RNGTT: variants seen among roughly 807,000 people sequenced by gnomAD.
RNGTT encodes RNA guanylyltransferase and 5'-phosphatase.
A neutral mutation model predicts 79.3 loss-of-function variants in RNGTT; 33 were observed. The ratio of observed to expected loss-of-function variants is 0.42; its 90% CI spans 0.32 to 0.56. The LOEUF (loss-of-function observed/expected upper bound fraction) is 0.56. Among genes scored for constraint, RNGTT ranks in the 20% least tolerant of loss-of-function variants. The pLI, the probability that RNGTT is intolerant of heterozygous loss-of-function variation, is 0.17. For missense variants in RNGTT, 497 were observed against 739.1 expected (o/e 0.67, Z 3.80); for synonymous variants, 222 against 235.9 (o/e 0.94, Z 0.54).
intron 12 of RNGTT, among the ~76,000 whole-genome samples, chr6:88,784,065 A>G (rs1203153847): frequency 2.6e-5 from 4 of 152,202 alleles, no homozygotes; most frequent in African/African-American, 4.8e-5. Context: ...GTGCTATAAT[A>G]GCTGAGAAAA....
chr6:88,879,506 G>C (rs565482121), intron 8 of RNGTT, among the ~76,000 whole-genome samples: 1 of 152,100 alleles, frequency 6.6e-6, no homozygotes, highest in East Asian at 1.9e-4. Context: ...CACAAGTCAC[G>C]AAGTGTATTT....
At chr6:88,961,642 CA>C (rs1168518445) in intron 1 of RNGTT, among the ~76,000 whole-genome samples, 4 of 152,096 alleles carry the variant, frequency 2.6e-5, no homozygotes, top group Non-Finnish European at 5.9e-5. Context: ...GTGAAGTGTC[CA>C]AATTTTTTGC....
chr6:88,918,612 CAA>C (rs1425328693), intron 4 of RNGTT, among the ~76,000 whole-genome samples: 3 of 151,948 alleles, frequency 2.0e-5, no homozygotes, highest in African/African-American at 7.3e-5. Flanking sequence ...AAATAAAAAA[CAA>C]AGAGATCAGC....
intron 3 of RNGTT, 21 bp downstream of exon 3, chr6:88,929,143 G>C: frequency 6.4e-7 from 1 of 1,559,332 alleles, no homozygotes; most frequent in Non-Finnish European, 8.8e-7. Flanking sequence ...CAATATTAAA[G>C]AATCTTAATA....
chr6:88,814,998 C>G (rs987832889), intron 11 of RNGTT, among the ~76,000 whole-genome samples: 1 of 152,116 alleles, frequency 6.6e-6, no homozygotes, highest in African/African-American at 2.4e-5. Flanking sequence ...GATCTCTAGG[C>G]CCAGGGGATA....
intron 12 of RNGTT, among the ~76,000 whole-genome samples, chr6:88,800,001 T>G (rs918897627): frequency 2.6e-5 from 4 of 152,204 alleles, no homozygotes; most frequent in Non-Finnish European, 4.4e-5. Flanking sequence ...TAACCTCTAG[T>G]GCTCCTCCAT....
At chr6:88,923,001 CAT>C (rs917174413) in intron 4 of RNGTT, among the ~76,000 whole-genome samples, 2 of 152,188 alleles carry the variant, frequency 1.3e-5, no homozygotes, top group Non-Finnish European at 2.9e-5. Context: ...TCTTATCTCC[CAT>C]ATGTCTTGTA....
At chr6:88,818,942 T>C (rs1294886947) in intron 11 of RNGTT, among the ~76,000 whole-genome samples, 2 of 152,228 alleles carry the variant, frequency 1.3e-5, no homozygotes, top group African/African-American at 4.8e-5. Flanking sequence ...CTGTTAAACA[T>C]ATTTGTTTGC....
At chr6:88,768,992 T>C (rs905669350) in intron 13 of RNGTT, among the ~76,000 whole-genome samples, 1 of 152,254 alleles carries the variant, frequency 6.6e-6, no homozygotes, top group South Asian at 2.1e-4. Flanking sequence ...AAACATGAAG[T>C]AATTTCCTTC....
At position 88,640,033 on chromosome 6, in the gene RNGTT, A is replaced by C. The variant is rs186089405; in HGVS notation, c.1507-25638T>G. On this transcript the variant is annotated intron_variant, in intron 14 of 15. Coordinates refer to ENST00000369485, the MANE Select transcript of RNGTT (RefSeq NM_003800.5). ...TGCTCTCCATCTGAAGAGTCCCCTTATTTTCCTTATCATTGTATTAGTCAA... is the reference window on the plus strand; with the variant it reads ...TGCTCTCCATCTGAAGAGTCCCCTTCTTTTCCTTATCATTGTATTAGTCAA... 1.7e-3 allele frequency among the ~76,000 whole-genome samples: 256 copies of C among 152,152 alleles called. 1 individual carries two copies. The highest frequency in any genetic ancestry group is 5.8e-3 in the African/African-American group (241 of 41,524).
chr6:88,666,188 G>A (rs1774401989), intron 14 of RNGTT, among the ~76,000 whole-genome samples: 1 of 152,162 alleles, frequency 6.6e-6, no homozygotes, highest in African/African-American at 2.4e-5. Flanking sequence ...TGAGTTAAAA[G>A]AAAAACTCAT....
chr6:88,654,156 T>G (rs192802032), intron 14 of RNGTT, among the ~76,000 whole-genome samples: 66 of 151,986 alleles, frequency 4.3e-4, no homozygotes, highest in Non-Finnish European at 6.2e-4. Context: ...TAATAGCTAT[T>G]GCATGGAAGT....
intron 4 of RNGTT, among the ~76,000 whole-genome samples, chr6:88,909,212 G>A (rs947902428): frequency 1.3e-5 from 2 of 152,194 alleles, no homozygotes; most frequent in East Asian, 3.9e-4. Flanking sequence ...AACTGGGCAC[G>A]CAGGGCTTTT....
chr6:88,697,776 T>G (rs996349820), intron 13 of RNGTT, among the ~76,000 whole-genome samples: 1 of 149,362 alleles, frequency 6.7e-6, no homozygotes, highest in African/African-American at 2.5e-5. Flanking sequence ...GAGGCTGAGG[T>G]GGAAGGATAA....
intron 1 of RNGTT, among the ~76,000 whole-genome samples, chr6:88,949,159 G>GAAAAAAAAAAAAAA: frequency 1.4e-3 from 69 of 50,512 alleles, no homozygotes; most frequent in Non-Finnish European, 2.0e-3. Context: ...AAAATAAAAT[G>GAAAAAAAAAAAAAA]AAAAAAAAAA....
intron 1 of RNGTT, among the ~76,000 whole-genome samples, chr6:88,957,640 TAAC>T (rs1172054392): frequency 1.3e-5 from 2 of 151,740 alleles, no homozygotes; most frequent in Non-Finnish European, 2.9e-5. Context: ...AAAAAAATAA[TAAC>T]AATAGAATAC....
At chr6:88,887,908 G>C (rs140241885) in intron 8 of RNGTT, among the ~76,000 whole-genome samples, 1 of 152,164 alleles carries the variant, frequency 6.6e-6, no homozygotes, top group East Asian at 1.9e-4. Context: ...TACAGCCCAG[G>C]AGCTCAAGAC....
chr6:88,617,127 G>A (rs781004822), intron 14 of RNGTT, among the ~76,000 whole-genome samples: 68 of 152,218 alleles, frequency 4.5e-4, no homozygotes, highest in Non-Finnish European at 4.7e-4. Flanking sequence ...AAGATTAGCC[G>A]GGCGTGGTGG....
At chr6:88,954,101 A>G (rs1407636528) in intron 1 of RNGTT, among the ~76,000 whole-genome samples, 2 of 152,220 alleles carry the variant, frequency 1.3e-5, no homozygotes, top group East Asian at 3.8e-4. Flanking sequence ...GGCAACAACT[A>G]GCATTATGAA....
Sources: allele counts gnomAD v4.1 joint callset (sites outside exome capture counted in the v4.1 genomes callset), GRCh38; gene constraint gnomAD v4.1.1; transcripts MANE v1.5; gene names NCBI Gene and HGNC (gene_info 2026-07-23, HGNC 2026-07-21).